BAG3: variants seen among roughly 807,000 people sequenced by gnomAD.
BAG3 encodes BAG cochaperone 3.
BAG3 carries 14 observed loss-of-function variants against 40.5 expected under a neutral mutation model. The ratio of observed to expected loss-of-function variants is 0.35; its 90% CI spans 0.23 to 0.54. BAG3 has a LOEUF of 0.54. Among genes scored for constraint, BAG3 ranks in the 20% least tolerant of loss-of-function variants. BAG3 has a pLI of 0.91. For synonymous variants in BAG3, 302 were observed against 307.8 expected, an observed-to-expected ratio of 0.98 and a Z score of 0.20; for missense variants, 788 against 758.6, an observed-to-expected ratio of 1.04 and a Z score of -0.46.
At position 119,659,537 on chromosome 10, in the gene BAG3, C is replaced by T. The variant is rs116140743; in HGVS notation, c.180+7682C>T. Among the ~76,000 whole-genome samples, 345 of 152,282 alleles carry T rather than the reference C, an allele frequency of 2.3e-3. 2 individuals are homozygous for T. Among genetic ancestry groups the T allele is most frequent in the African/African-American group, 7.9e-3 (330 of 41,552 alleles). ...TCTGGGGGGTGTGGCTGCTGTGGAC[C>T]GAATGCTTGAGAAGCCACTGCAGGT... On this transcript the variant is annotated intron_variant, in intron 1 of 3. Coordinates refer to ENST00000369085, the MANE Select transcript of BAG3 (RefSeq NM_004281.4).
At chr10:119,655,439 T>A (rs1339779384) in intron 1 of BAG3, among the ~76,000 whole-genome samples, 1 of 152,220 alleles carries the variant, frequency 6.6e-6, no homozygotes, top group Non-Finnish European at 1.5e-5. Context: ...AGAAACATCC[T>A]TTCAGATAAC....
intron 1 of BAG3, among the ~76,000 whole-genome samples, chr10:119,663,180 G>A (rs921188265): frequency 9.2e-5 from 14 of 152,228 alleles, no homozygotes; most frequent in South Asian, 6.2e-4. Flanking sequence ...TGTGCCTGGC[G>A]TACGCCTCTC....
chr10:119,658,944 C>T (rs1846954723), intron 1 of BAG3, among the ~76,000 whole-genome samples: 1 of 152,200 alleles, frequency 6.6e-6, no homozygotes, highest in Admixed American at 6.5e-5. Flanking sequence ...TGTGTGGCCT[C>T]TCCACACAGC....
At chr10:119,676,387 T>C (rs1847234402) in intron 3 of BAG3, 77 bp from the exon 4 acceptor site, 18 of 1,491,534 alleles carry the variant, frequency 1.2e-5, no homozygotes, top group Non-Finnish European at 1.7e-5. Flanking sequence ...GTTTTCTTTC[T>C]AATCTGTACT....
At chr10:119,674,422 A>T (rs1319910370) in intron 3 of BAG3, among the ~76,000 whole-genome samples, 1 of 152,202 alleles carries the variant, frequency 6.6e-6, no homozygotes, top group Non-Finnish European at 1.5e-5. Flanking sequence ...GTTTCTCATC[A>T]TCAGTGAAAT....
chr10:119,657,172 A>T (rs777904593), intron 1 of BAG3, among the ~76,000 whole-genome samples: 3 of 151,396 alleles, frequency 2.0e-5, no homozygotes, highest in Non-Finnish European at 4.4e-5. Flanking sequence ...CTCTTTACTC[A>T]CTCCTTTACC....
Position 119,677,793 on chromosome 10 carries a change from AAAAT to A in BAG3, c.*515_*518del, listed in dbSNP as rs1288628245. 6.2e-6 allele frequency: 1 copy of A among 161,738 alleles called. No individual in the cohort carries two copies. Among genetic ancestry groups the A allele is most frequent in the African/African-American group, 2.4e-5 (1 of 41,564 alleles). 10.0% of individuals were successfully genotyped at this position (161,738 alleles called of 1,614,324 possible). A position where few individuals can be genotyped will look rare whatever the true frequency, so the allele number is the denominator to read the frequency against. On this transcript the variant is annotated 3_prime_UTR_variant, in exon 4 of 4. Transcript: ENST00000369085. ...CTTTAATGCTACATTTTAAAAAAAG[AAAAT>A]AAAGTAATAATATAACTCAAAATGG... is the stretch of plus-strand genomic sequence containing the variant.
intron 1 of BAG3, among the ~76,000 whole-genome samples, chr10:119,656,423 C>T (rs1394000382): frequency 2.0e-5 from 3 of 150,186 alleles, no homozygotes; most frequent in Non-Finnish European, 4.4e-5. Context: ...CTTTGTCTCC[C>T]AGGCTGGGGT....
chr10:119,651,905 A>G, intron 1 of BAG3, 50 bp downstream of exon 1: 2 of 1,446,858 alleles, frequency 1.4e-6, no homozygotes, highest in Non-Finnish European at 1.8e-6. Flanking sequence ...CCTCGACGGC[A>G]GGCGGCGGGG....
At position 119,672,542 on chromosome 10, in the gene BAG3, G is replaced by A. The variant is rs180736121; in HGVS notation, c.795G>A (p.Pro265=). ...CCCGGCCCCTGCGGGCGGCATCCCC[G>A]TTCAGGTCATCTGTCCAGGGTGCAT... The part of the protein sequence containing the change: ...WEPRPLRAAS[P]FRSSVQGASS... Residue 265 remains proline, a synonymous_variant, in exon 3 of 4, where the codon CCG becomes CCA. Transcript: ENST00000369085. The surrounding 1 kb of genome is among the most constrained non-coding windows in gnomAD (Gnocchi z 4.8). 30 of 1,613,928 alleles carry A rather than the reference G, an allele frequency of 1.9e-5. No individual in the cohort carries two copies. Among genetic ancestry groups the A allele is most frequent in the African/African-American group, 1.1e-4 (8 of 75,046 alleles).
At chr10:119,664,280 C>A (rs1236318562) in intron 1 of BAG3, among the ~76,000 whole-genome samples, 1 of 152,272 alleles carries the variant, frequency 6.6e-6, no homozygotes, top group Admixed American at 6.5e-5. Context: ...TTTTTTCCTG[C>A]TTTCTATCTT....
At chr10:119,652,246 T>G (rs560933421) in intron 1 of BAG3, among the ~76,000 whole-genome samples, 2 of 152,032 alleles carry the variant, frequency 1.3e-5, no homozygotes, top group African/African-American at 2.4e-5. Context: ...TGGCCCCTGC[T>G]GCCCGCTCGG....
At chr10:119,675,424 C>G (rs1237056019) in intron 3 of BAG3, among the ~76,000 whole-genome samples, 1 of 152,188 alleles carries the variant, frequency 6.6e-6, no homozygotes, top group African/African-American at 2.4e-5. Context: ...TGTGTCATTG[C>G]TGAATGTTAG....
intron 3 of BAG3, among the ~76,000 whole-genome samples, chr10:119,673,113 C>G (rs1847176083): frequency 6.6e-6 from 1 of 152,106 alleles, no homozygotes; most frequent in Non-Finnish European, 1.5e-5. Context: ...CATGCTGAAC[C>G]CGCTCCCTGA....
intron 3 of BAG3, among the ~76,000 whole-genome samples, chr10:119,675,819 T>C (rs1253958425): frequency 2.9e-5 from 1 of 33,950 alleles, no homozygotes; most frequent in African/African-American, 1.3e-4. Flanking sequence ...CTTCCCTGCT[T>C]CCTTCCCCCT....
chr10:119,669,550 C>T (rs576282385), intron 1 of BAG3, among the ~76,000 whole-genome samples: 20 of 152,326 alleles, frequency 1.3e-4, no homozygotes, highest in Non-Finnish European at 2.5e-4. Context: ...CTACACTCAC[C>T]GCTTCCCTCA....
intron 1 of BAG3, among the ~76,000 whole-genome samples, chr10:119,665,138 A>ATTTTT (rs1442380822): frequency 0.034 from 2,826 of 81,940 alleles, 219 homozygotes; most frequent in Non-Finnish European, 0.047. Flanking sequence ...ATATATATAT[A>ATTTTT]TATATATTTT....
chr10:119,656,189 A>G (rs1846907168), intron 1 of BAG3, among the ~76,000 whole-genome samples: 1 of 152,200 alleles, frequency 6.6e-6, no homozygotes, highest in Non-Finnish European at 1.5e-5. Flanking sequence ...GAGAGCTTAC[A>G]GAAGAAACTG....
At chr10:119,665,138 A>ATTT (rs1442380822) in intron 1 of BAG3, among the ~76,000 whole-genome samples, 2,905 of 82,298 alleles carry the variant, frequency 0.035, 294 homozygotes, top group Non-Finnish European at 0.052. Context: ...ATATATATAT[A>ATTT]TATATATTTT....
Sources: gnomAD v4.1 joint callset for allele counts (sites outside exome capture counted in the v4.1 genomes callset) on GRCh38, gnomAD v4.1.1 for gene constraint, Gnocchi (gnomAD v3.1) non-coding constraint, MANE v1.5 for transcripts, NCBI Gene and HGNC (gene_info 2026-07-23, HGNC 2026-07-21) for gene names.